SLC9B1: variants seen among roughly 807,000 people sequenced by gnomAD.
The protein encoded by SLC9B1 is solute carrier family 9 member B1.
A neutral mutation model predicts 51.7 loss-of-function variants in SLC9B1; 32 were observed. The observed-to-expected ratio is 0.62, with a 90% CI of 0.47 to 0.83. SLC9B1 has a LOEUF of 0.83. SLC9B1 is among the 40% of genes least tolerant of loss of function. SLC9B1 has a pLI of 0.00. For missense variants in SLC9B1, 406 were observed against 613.2 expected (o/e 0.66, Z 3.57); for synonymous variants, 145 against 212.7 (o/e 0.68, Z 2.77).
chr4:103,003,055 C>G (rs956715673), intron 1 of SLC9B1, among the ~76,000 whole-genome samples: 2 of 152,170 alleles, frequency 1.3e-5, no homozygotes, highest in African/African-American at 4.8e-5. Context: ...TCCCCTTCTA[C>G]TCACTGTTAC....
intron 3 of SLC9B1, among the ~76,000 whole-genome samples, chr4:102,976,737 G>GTT (rs1177031797): frequency 2.0e-5 from 3 of 152,212 alleles, no homozygotes; most frequent in Non-Finnish European, 4.4e-5. Flanking sequence ...TGAGAGGTAA[G>GTT]TAAATTTGTC....
At chr4:102,926,074 C>T (rs1261165814) in intron 7 of SLC9B1, among the ~76,000 whole-genome samples, 11 of 152,292 alleles carry the variant, frequency 7.2e-5, no homozygotes, top group African/African-American at 2.7e-4. Flanking sequence ...TCTCAATAAA[C>T]TAGGTATTGA....
At position 102,989,944 on chromosome 4, in the gene SLC9B1, G is replaced by A. The variant is rs1439379988; in HGVS notation, c.70-3C>T. The A allele has an allele frequency of 6.4e-7, 1 of 1,567,104 alleles. No homozygotes were observed. The highest frequency in any genetic ancestry group is 8.7e-7 in the Non-Finnish European group (1 of 1,153,472). ...GTATTATTAGGATCAATGAGACTCT[G>A]TAGTAAAACAAGAAAATCTTTAAGG... On this transcript the variant is annotated splice_region_variant and splice_polypyrimidine_tract_variant and intron_variant, in intron 2 of 11. Transcript: ENST00000296422.
At position 103,012,333 on chromosome 4, in the gene SLC9B1, C is replaced by A. The variant is rs192954710; in HGVS notation, c.-2+7266G>T. On this transcript the variant is annotated intron_variant, in intron 1 of 11. Transcript: ENST00000296422. ...TTCCTCCAGTTTCTAGTAAGACATT[C>A]TTTATTTCCACTGAAGAACTCATCA... Among the ~76,000 whole-genome samples, 635 of 152,290 alleles carry A rather than the reference C, an allele frequency of 4.2e-3. 1 individual carries two copies. The highest frequency in any genetic ancestry group is 7.0e-3 in the Non-Finnish European group (479 of 68,014).
At chr4:102,962,925 T>G (rs1738216090) in intron 3 of SLC9B1, 1 of 465,894 alleles carries the variant, frequency 2.1e-6, no homozygotes, top group Admixed American at 2.3e-5. Context: ...CCTGAAATAT[T>G]TTTTTACCCA....
chr4:103,015,736 A>C (rs370521374), intron 1 of SLC9B1, among the ~76,000 whole-genome samples: 20 of 152,142 alleles, frequency 1.3e-4, no homozygotes, highest in African/African-American at 4.6e-4. Context: ...CATTGAGAAA[A>C]AGTATCAGTA....
chr4:102,977,553 T>A (rs1050990631), intron 3 of SLC9B1, among the ~76,000 whole-genome samples: 13 of 152,194 alleles, frequency 8.5e-5, no homozygotes, highest in African/African-American at 2.9e-4. Flanking sequence ...TGTATCTAAA[T>A]TAATGTTACT....
chr4:102,887,022 A>C (rs1214260877), intron 11 of SLC9B1, among the ~76,000 whole-genome samples: 2 of 152,352 alleles, frequency 1.3e-5, no homozygotes, highest in Non-Finnish European at 2.9e-5. Context: ...ATTAAGCAAT[A>C]GGTGAGCTCG....
At chr4:102,924,695 T>G (rs1211897477) in intron 7 of SLC9B1, among the ~76,000 whole-genome samples, 1 of 152,106 alleles carries the variant, frequency 6.6e-6, no homozygotes, top group Non-Finnish European at 1.5e-5. Flanking sequence ...TACAAATAAC[T>G]TAAACAAATT....
chr4:102,936,502 G>A (rs1736730070), intron 6 of SLC9B1, among the ~76,000 whole-genome samples: 1 of 152,142 alleles, frequency 6.6e-6, no homozygotes, highest in Non-Finnish European at 1.5e-5. Context: ...AATAATCTAA[G>A]GAATCCAATA....
At chr4:102,990,584 G>A (rs1028179732) in intron 2 of SLC9B1, among the ~76,000 whole-genome samples, 1 of 148,058 alleles carries the variant, frequency 6.8e-6, no homozygotes, top group Admixed American at 6.8e-5. Context: ...CATAAACAAT[G>A]ATAACAACAA....
intron 7 of SLC9B1, among the ~76,000 whole-genome samples, chr4:102,917,057 T>C (rs2110438502): frequency 6.6e-6 from 1 of 152,354 alleles, no homozygotes; most frequent in East Asian, 1.9e-4. Context: ...ACATTCAGCT[T>C]GCTTGGATTT....
At chr4:102,956,943 A>T (rs1217030865) in intron 3 of SLC9B1, among the ~76,000 whole-genome samples, 1 of 152,176 alleles carries the variant, frequency 6.6e-6, no homozygotes, top group East Asian at 1.9e-4. Flanking sequence ...TAAAAATATG[A>T]TAATGTGCTG....
At chr4:102,942,506 A>T (rs986519619) in intron 6 of SLC9B1, among the ~76,000 whole-genome samples, 10 of 152,208 alleles carry the variant, frequency 6.6e-5, no homozygotes, top group Non-Finnish European at 8.8e-5. Flanking sequence ...CAGAATAGAG[A>T]ACTGAGAAAT....
chr4:102,928,991 T>C (rs759870562), intron 7 of SLC9B1, among the ~76,000 whole-genome samples: 7 of 152,158 alleles, frequency 4.6e-5, no homozygotes, highest in Non-Finnish European at 1.0e-4. Flanking sequence ...CTGCCTGCTT[T>C]ATTCTAGCCA....
At chr4:102,889,360 AC>A (rs1734112542) in intron 11 of SLC9B1, 1 of 152,220 alleles carries the variant, frequency 6.6e-6, no homozygotes, top group Non-Finnish European at 1.5e-5. Flanking sequence ...GAAAAAATCC[AC>A]CTCACCAAAA....
chr4:103,008,249 C>T (rs544161305), intron 1 of SLC9B1, among the ~76,000 whole-genome samples: 1 of 152,132 alleles, frequency 6.6e-6, no homozygotes, highest in Non-Finnish European at 1.5e-5. Flanking sequence ...GTCTGTACTG[C>T]TGTTATATTG....
chr4:102,989,223 G>A (rs1392915373), intron 3 of SLC9B1, among the ~76,000 whole-genome samples: 3 of 151,810 alleles, frequency 2.0e-5, no homozygotes, highest in Admixed American at 6.6e-5. Flanking sequence ...TCAATTTTTT[G>A]TTCTCTATAG....
At position 103,006,969 on chromosome 4, in the gene SLC9B1, G is replaced by T. The variant is rs140596725; in HGVS notation, c.-2+12630C>A. Among the ~76,000 whole-genome samples the T allele has an allele frequency of 2.0e-5, 3 of 152,252 alleles. No homozygotes were observed. The East Asian group carries it at 5.8e-4, about 29-fold the overall frequency. Reference sequence around the variant, plus strand: ...AAGCCTTCAACAAATAGGCATGAAGGAATATATCTTAAAATAATGTCGTTT... The same window carrying T: ...AAGCCTTCAACAAATAGGCATGAAGTAATATATCTTAAAATAATGTCGTTT... On this transcript the variant is annotated intron_variant, in intron 1 of 11. Transcript: ENST00000296422.
Sources: allele counts gnomAD v4.1 joint callset (sites outside exome capture counted in the v4.1 genomes callset), GRCh38; gene constraint gnomAD v4.1.1; transcripts MANE v1.5; gene names NCBI Gene and HGNC (gene_info 2026-07-23, HGNC 2026-07-21).